Variants in ARL3 observed in about 807,000 individuals in gnomAD.
ARL3 encodes the protein ARF like GTPase 3.
ARL3 carries 9 observed loss-of-function variants against 26.0 expected under a neutral mutation model. The observed-to-expected ratio is 0.35, with a 90% CI of 0.21 to 0.60. ARL3 has a LOEUF of 0.60. Among genes scored for constraint, ARL3 ranks in the 20% least tolerant of loss-of-function variants. ARL3 has a pLI of 0.78. For synonymous variants in ARL3, 71 were observed against 78.4 expected, an observed-to-expected ratio of 0.91 and a Z score of 0.50; for missense variants, 158 against 215.7, an observed-to-expected ratio of 0.73 and a Z score of 1.67.
At chr10:102,711,178 C>G (rs1049411287) in intron 1 of ARL3, among the ~76,000 whole-genome samples, 3 of 152,134 alleles carry the variant, frequency 2.0e-5, no homozygotes, top group African/African-American at 7.2e-5. Flanking sequence ...TCACCCTCTC[C>G]TAAATAAATA....
intron 1 of ARL3, among the ~76,000 whole-genome samples, chr10:102,710,311 G>T (rs1218054289): frequency 6.6e-6 from 1 of 152,200 alleles, no homozygotes; most frequent in Non-Finnish European, 1.5e-5. Flanking sequence ...AGGATTATCA[G>T]GGTTTGCTAA....
intron 1 of ARL3, among the ~76,000 whole-genome samples, chr10:102,711,477 C>T (rs1427769401): frequency 6.6e-6 from 1 of 151,898 alleles, no homozygotes; most frequent in African/African-American, 2.4e-5. Context: ...ACAGGCCGGG[C>T]GCGGTGGCTC....
intron 4 of ARL3, among the ~76,000 whole-genome samples, chr10:102,687,159 G>A (rs1294291599): frequency 6.6e-6 from 1 of 151,688 alleles, no homozygotes; most frequent in Admixed American, 6.6e-5. Context: ...GATTACAGGC[G>A]TGAGCCACCG....
chr10:102,707,367 T>C (rs986471704), intron 1 of ARL3, among the ~76,000 whole-genome samples: 5 of 151,984 alleles, frequency 3.3e-5, no homozygotes, highest in Admixed American at 1.3e-4. Context: ...GATTTTTAGT[T>C]AAGAACATAA....
In ARL3 at chr10:102,708,686, G is replaced by A. The variant is rs774332128; in HGVS notation, c.4-3197C>T. Among the ~76,000 whole-genome samples the A allele has an allele frequency of 1.5e-4, 22 of 151,450 alleles. 1 individual carries two copies. The highest frequency in any genetic ancestry group is 2.7e-4 in the Non-Finnish European group (18 of 67,894). ...AGCCTGGCCAACATGGCGAAATCCC[G>A]TATCTACTAAAAATACAAAATTAGC... On this transcript the variant is annotated intron_variant, in intron 1 of 5. Transcript: ENST00000260746.
chr10:102,678,992 C>T (rs2064142898), intron 5 of ARL3, among the ~76,000 whole-genome samples: 1 of 152,260 alleles, frequency 6.6e-6, no homozygotes, highest in African/African-American at 2.4e-5. Flanking sequence ...GCCCCTGCAG[C>T]TGCCGCTGCA....
At chr10:102,707,756 C>T (rs774244304) in intron 1 of ARL3, among the ~76,000 whole-genome samples, 1 of 152,104 alleles carries the variant, frequency 6.6e-6, no homozygotes, top group African/African-American at 2.4e-5. Context: ...TTGCTAAGGA[C>T]CACATTAACC....
At chr10:102,706,441 AC>A (rs1322795231) in intron 1 of ARL3, among the ~76,000 whole-genome samples, 1 of 151,264 alleles carries the variant, frequency 6.6e-6, no homozygotes, top group Non-Finnish European at 1.5e-5. Flanking sequence ...ACAGAGCAAG[AC>A]TCCGTCTCAA....
At chr10:102,697,950 A>T (rs4919668) in intron 3 of ARL3, among the ~76,000 whole-genome samples, 1 of 152,202 alleles carries the variant, frequency 6.6e-6, no homozygotes, top group African/African-American at 2.4e-5. Flanking sequence ...AAGAGTAACT[A>T]GGAGGAGATA....
intron 2 of ARL3, among the ~76,000 whole-genome samples, chr10:102,702,219 T>C (rs797018539): frequency 3.9e-5 from 6 of 152,158 alleles, no homozygotes; most frequent in African/African-American, 1.4e-4. Context: ...TAGATATAGA[T>C]GATACAAGCT....
intron 5 of ARL3, among the ~76,000 whole-genome samples, chr10:102,684,677 C>T (rs1267283293): frequency 2.0e-5 from 3 of 151,826 alleles, no homozygotes; most frequent in African/African-American, 4.8e-5. Context: ...CTTGCTCTGT[C>T]GCCCAGGCTG....
At chr10:102,708,908 A>ATTTTTTTTT (rs1554864095) in intron 1 of ARL3, among the ~76,000 whole-genome samples, 4 of 95,326 alleles carry the variant, frequency 4.2e-5, no homozygotes, top group East Asian at 6.1e-4. Context: ...ATATATATAT[A>ATTTTTTTTT]TTTTTTTTTT....
intron 4 of ARL3, 90 bp from the exon 5 acceptor site, chr10:102,686,091 A>ATTT (rs2064183646): frequency 1.1e-6 from 1 of 882,984 alleles, no homozygotes. Context: ...TTTTTTTTTG[A>ATTT]GACAGAGTCT....
At chr10:102,695,658 C>T (rs1477121162) in intron 3 of ARL3, among the ~76,000 whole-genome samples, 2 of 151,898 alleles carry the variant, frequency 1.3e-5, no homozygotes, top group African/African-American at 2.4e-5. Context: ...GAGTAGCTTA[C>T]GGGCATGTGC....
At chr10:102,704,241 C>T (rs1282687765) in intron 2 of ARL3, among the ~76,000 whole-genome samples, 1 of 150,698 alleles carries the variant, frequency 6.6e-6, no homozygotes, top group African/African-American at 2.4e-5. Context: ...GAAAAGTACA[C>T]GGTAAAATAT....
chr10:102,680,596 G>A lies in ARL3; in HGVS notation c.502-3655C>T, dbSNP rs138300192. Among the ~76,000 whole-genome samples, 592 of 152,302 alleles carry A rather than the reference G, an allele frequency of 3.9e-3. 3 individuals carry two copies. The highest frequency in any genetic ancestry group is 6.6e-3 in the Non-Finnish European group (447 of 68,026). Reference sequence around the variant, plus strand: ...AAATCTCTGCATCCCAGAAGTTAAGGTGCACTGCTTCTTTCCAAGGGAAGA... The same window carrying A: ...AAATCTCTGCATCCCAGAAGTTAAGATGCACTGCTTCTTTCCAAGGGAAGA... On this transcript the variant is annotated intron_variant, in intron 5 of 5. Coordinates refer to ENST00000260746, the MANE Select transcript of ARL3 (RefSeq NM_004311.4).
At chr10:102,713,001 T>C (rs2064353660) in intron 1 of ARL3, among the ~76,000 whole-genome samples, 1 of 152,124 alleles carries the variant, frequency 6.6e-6, no homozygotes, top group Non-Finnish European at 1.5e-5. Context: ...AATTGAGTTT[T>C]TTTTTTCCTT....
At chr10:102,680,262 A>T (rs1472197242) in intron 5 of ARL3, among the ~76,000 whole-genome samples, 3 of 152,106 alleles carry the variant, frequency 2.0e-5, no homozygotes, top group African/African-American at 7.2e-5. Flanking sequence ...ATTGTTAAAA[A>T]CTGGTTTGAC....
At chr10:102,687,927 G>A (rs548049326) in intron 4 of ARL3, among the ~76,000 whole-genome samples, 12 of 151,470 alleles carry the variant, frequency 7.9e-5, no homozygotes, top group Admixed American at 2.6e-4. Context: ...CTTTCAATGC[G>A]TGTGTGTGTG....
Sources: allele counts gnomAD v4.1 joint callset (sites outside exome capture counted in the v4.1 genomes callset), GRCh38; gene constraint gnomAD v4.1.1; transcripts MANE v1.5; gene names NCBI Gene and HGNC (gene_info 2026-07-23, HGNC 2026-07-21).